Variants in AGTRAP observed in about 807,000 individuals in gnomAD.
AGTRAP encodes the protein angiotensin II receptor associated protein.
A neutral mutation model predicts 15.2 loss-of-function variants in AGTRAP; 7 were observed. The ratio of observed to expected loss-of-function variants is 0.46; its 90% CI spans 0.26 to 0.87. AGTRAP has a LOEUF of 0.87. Ranked by LOEUF, AGTRAP falls within the 40% of genes least tolerant of loss-of-function variation. The pLI, the probability that AGTRAP is intolerant of heterozygous loss-of-function variation, is 0.15. For synonymous variants in AGTRAP, 74 were observed against 89.6 expected (o/e 0.83, Z 0.98); for missense variants, 187 against 213.4 (o/e 0.88, Z 0.77).
chr1:11,748,737 C>T, intron 4 of AGTRAP, 127 bp downstream of exon 4: 1 of 1,110,852 alleles, frequency 9.0e-7, no homozygotes, highest in Non-Finnish European at 1.3e-6. Flanking sequence ...GAGAGCGTGG[C>T]ATGGGCGCTC....
intron 1 of AGTRAP, among the ~76,000 whole-genome samples, chr1:11,739,275 G>C (rs1355711896): frequency 6.6e-6 from 1 of 152,216 alleles, no homozygotes; most frequent in Non-Finnish European, 1.5e-5. Context: ...GCTGGGCCAG[G>C]CGTGGTGGCT....
At position 11,746,197 on chromosome 1, in the gene AGTRAP, C is replaced by T. The variant is rs762942626; in HGVS notation, c.62+360C>T. ...GCTCACCTGTGCACTTTGCAAACTT[C>T]GAAGTGCAGCGCACAGGGCAACAGC... On this transcript the variant is annotated intron_variant, in intron 2 of 4. Transcript: ENST00000314340. The T allele has an allele frequency of 5.0e-6, 8 of 1,612,160 alleles. No homozygotes were observed. In the Admixed American group the frequency reaches 8.4e-5, roughly 17 times the overall value.
intron 1 of AGTRAP, 37 bp downstream of exon 1, chr1:11,736,272 A>T: frequency 6.3e-7 from 1 of 1,597,800 alleles, no homozygotes; most frequent in Non-Finnish European, 8.5e-7. Context: ...CCTTTGCGGG[A>T]GGAAGTGGGA....
chr1:11,744,553 A>G lies in AGTRAP; in HGVS notation c.28-1250A>G, dbSNP rs531784986. On this transcript the variant is annotated intron_variant, in intron 1 of 4. Coordinates refer to ENST00000314340, the MANE Select transcript of AGTRAP (RefSeq NM_020350.5). ...CACAGTGCGCCAGCTCCAGTGTCCCAAGAAATCACCCTCACGTGAGTCCCC... is the reference window on the plus strand; with the variant it reads ...CACAGTGCGCCAGCTCCAGTGTCCCGAGAAATCACCCTCACGTGAGTCCCC... 5.6e-6 allele frequency: 4 copies of G among 716,592 alleles called. No individual in the cohort carries two copies. The East Asian group carries it at 1.1e-4, about 19-fold the overall frequency. The allele number at this position is 716,592 out of a possible 1,614,324, so 44.4% of individuals were successfully genotyped here.
rs1338169309 is a variant in AGTRAP, at chr1:11,750,484, C to T, written c.*292C>T. Reference sequence around the variant, plus strand: ...TGGTGGCACCACAGAGGCCCTCAGCCGAGTCCTGCCTGAGTGTTGCAAGCT... The same window carrying T: ...TGGTGGCACCACAGAGGCCCTCAGCTGAGTCCTGCCTGAGTGTTGCAAGCT... On this transcript the variant is annotated 3_prime_UTR_variant, in exon 5 of 5. Transcript: ENST00000314340. The T allele has an allele frequency of 1.7e-5, 10 of 589,800 alleles. No individual in the cohort carries two copies. The highest frequency in any genetic ancestry group is 2.1e-5 in the Non-Finnish European group (7 of 330,904). 36.5% of individuals were successfully genotyped at this position (589,800 alleles called of 1,614,324 possible). A position where few individuals can be genotyped will look rare whatever the true frequency, so the allele number is the denominator to read the frequency against.
chr1:11,736,356 A>G, intron 1 of AGTRAP, 121 bp downstream of exon 1: 1 of 1,380,706 alleles, frequency 7.2e-7, no homozygotes, highest in South Asian at 1.3e-5. Context: ...GAGGAAGGGA[A>G]GGTACAGACC....
intron 2 of AGTRAP, chr1:11,746,399 C>T (rs970880986): frequency 3.4e-6 from 2 of 589,482 alleles, no homozygotes; most frequent in Non-Finnish European, 6.0e-6. Context: ...CCTATTGAAC[C>T]GAATGGCACT....
chr1:11,748,825 G>A (rs549344580), intron 4 of AGTRAP, among the ~76,000 whole-genome samples: 6 of 152,298 alleles, frequency 3.9e-5, no homozygotes, highest in Admixed American at 2.0e-4. Flanking sequence ...CTGGTCTGCC[G>A]TGACCTTCTT....
At chr1:11,743,600 C>A (rs1354180151) in intron 1 of AGTRAP, among the ~76,000 whole-genome samples, 1 of 126,722 alleles carries the variant, frequency 7.9e-6, no homozygotes, top group East Asian at 2.5e-4. Flanking sequence ...GAGGTTTGTT[C>A]TTGTTGTCCA....
intron 1 of AGTRAP, among the ~76,000 whole-genome samples, chr1:11,741,624 G>A (rs1031742507): frequency 1.1e-4 from 16 of 152,300 alleles, no homozygotes; most frequent in Non-Finnish European, 1.0e-4. Context: ...GCACAGCCTG[G>A]GTTTGAGTCC....
At chr1:11,744,457 CT>C (rs1642111499) in intron 1 of AGTRAP, 3 of 696,854 alleles carry the variant, frequency 4.3e-6, no homozygotes, top group Non-Finnish European at 8.1e-6. Flanking sequence ...TCAGGCCCCC[CT>C]ACCTGTCCCC....
intron 2 of AGTRAP, chr1:11,746,266 G>A (rs1390518251): frequency 1.3e-6 from 2 of 1,489,824 alleles, no homozygotes; most frequent in African/African-American, 2.8e-5. Flanking sequence ...ACGACCTTGA[G>A]AAGCAGGGCC....
intron 1 of AGTRAP, among the ~76,000 whole-genome samples, chr1:11,738,910 C>A (rs926075246): frequency 6.6e-6 from 1 of 152,254 alleles, no homozygotes; most frequent in South Asian, 2.1e-4. Flanking sequence ...TCTGGGAAGT[C>A]CTACCCCGCC....
intron 3 of AGTRAP, 106 bp from the exon 4 acceptor site, chr1:11,748,309 C>A: frequency 7.7e-7 from 1 of 1,295,178 alleles, no homozygotes; most frequent in East Asian, 2.4e-5. Flanking sequence ...TCCCGCAAGC[C>A]CCAAGGACAC....
chr1:11,750,527 C>G lies in AGTRAP; in HGVS notation c.*335C>G. 1.8e-6 allele frequency: 1 copy of G among 558,276 alleles called. No individual in the cohort carries two copies. The highest frequency in any genetic ancestry group is 3.2e-6 in the Non-Finnish European group (1 of 313,092). The allele number at this position is 558,276 out of a possible 1,614,324, so 34.6% of individuals were successfully genotyped here. A position where few individuals can be genotyped will look rare whatever the true frequency, so the allele number is the denominator to read the frequency against. On this transcript the variant is annotated 3_prime_UTR_variant, in exon 5 of 5. Transcript: ENST00000314340. ...TGCAAGCTCAGGCCTTTAAGGACTG[C>G]TGATGCCCCCTCAGGCCTCCCCCAA...
At chr1:11,739,876 G>A (rs1641986061) in intron 1 of AGTRAP, among the ~76,000 whole-genome samples, 1 of 152,236 alleles carries the variant, frequency 6.6e-6, no homozygotes, top group African/African-American at 2.4e-5. Flanking sequence ...GCACCCCCGT[G>A]GGACAAATGG....
chr1:11,750,221 C>T lies in AGTRAP; in HGVS notation c.*29C>T. The T allele has an allele frequency of 6.3e-7, 1 of 1,581,460 alleles. No individual in the cohort carries two copies. The highest frequency in any genetic ancestry group is 8.7e-7 in the Non-Finnish European group (1 of 1,154,646). On this transcript the variant is annotated 3_prime_UTR_variant, in exon 5 of 5. Coordinates refer to ENST00000314340, the MANE Select transcript of AGTRAP (RefSeq NM_020350.5). ...CAGCCACGCTGCGCCCGGCCCTGCC[C>T]CGGGCCTTCCTCGTGCCTGGGAGGT...
intron 4 of AGTRAP, among the ~76,000 whole-genome samples, chr1:11,749,675 C>T (rs1181534680): frequency 2.0e-5 from 3 of 152,182 alleles, no homozygotes; most frequent in Non-Finnish European, 4.4e-5. Flanking sequence ...GGGCCCGGGG[C>T]TGATGTCCCT....
Position 11,748,699 on chromosome 1 carries a change from C to T in AGTRAP, c.364+89C>T. On this transcript the variant is annotated intron_variant, in intron 4 of 4. Coordinates refer to ENST00000314340, the MANE Select transcript of AGTRAP (RefSeq NM_020350.5). ...CTCTCCCTCAGTGAGCCAGCCTTGCCCCATGGGGCCAGGGCTCAAGGTGCA... is the reference window on the plus strand; with the variant it reads ...CTCTCCCTCAGTGAGCCAGCCTTGCTCCATGGGGCCAGGGCTCAAGGTGCA... 4 of 1,455,646 alleles carry T rather than the reference C, an allele frequency of 2.7e-6. No homozygotes were observed. In the South Asian group the frequency reaches 3.8e-5, roughly 14 times the overall value. 90.2% of individuals were successfully genotyped at this position (1,455,646 alleles called of 1,614,324 possible).
Sources: gnomAD v4.1 joint callset for allele counts (sites outside exome capture counted in the v4.1 genomes callset) on GRCh38, gnomAD v4.1.1 for gene constraint, MANE v1.5 for transcripts, NCBI Gene and HGNC (gene_info 2026-07-23, HGNC 2026-07-21) for gene names.